The following CACHD1 variants were observed in gnomAD, a reference collection of about 807,000 sequenced individuals.
CACHD1 encodes the protein VWFA and cache domain-containing protein 1.
Under a neutral mutation model 138.7 loss-of-function variants are expected in CACHD1, and 71 were observed. The observed-to-expected ratio is 0.51, with a 90% CI of 0.42 to 0.62. The LOEUF (loss-of-function observed/expected upper bound fraction) is 0.62. Ranked by LOEUF, CACHD1 falls within the 20% of genes least tolerant of loss-of-function variation. The pLI is 0.00. For synonymous variants in CACHD1, 578 were observed against 591.5 expected, an observed-to-expected ratio of 0.98 and a Z score of 0.33; for missense variants, 1,389 against 1,625.3, an observed-to-expected ratio of 0.85 and a Z score of 2.50.
intron 2 of CACHD1, among the ~76,000 whole-genome samples, chr1:64,581,365 G>A (rs1287243119): frequency 2.0e-5 from 3 of 152,074 alleles, no homozygotes; most frequent in Admixed American, 2.0e-4. Context: ...CATTTCCTTT[G>A]GGTAACATTT....
At chr1:64,627,947 A>G (rs2100631088) in intron 4 of CACHD1, among the ~76,000 whole-genome samples, 1 of 152,328 alleles carries the variant, frequency 6.6e-6, no homozygotes, top group Non-Finnish European at 1.5e-5. Context: ...TATTAAACAA[A>G]TGATATTTCA....
intron 1 of CACHD1, among the ~76,000 whole-genome samples, chr1:64,513,323 G>T (rs1646435872): frequency 6.6e-6 from 1 of 152,170 alleles, no homozygotes; most frequent in Non-Finnish European, 1.5e-5. Context: ...CCCCTGGGGG[G>T]CTAAATCTTC....
intron 3 of CACHD1, among the ~76,000 whole-genome samples, chr1:64,596,132 C>T (rs1195742098): frequency 6.6e-6 from 1 of 152,122 alleles, no homozygotes; most frequent in Non-Finnish European, 1.5e-5. Flanking sequence ...GTATTATTTA[C>T]TTTATAAATG....
intron 4 of CACHD1, among the ~76,000 whole-genome samples, chr1:64,618,773 G>C (rs559798781): frequency 6.6e-6 from 1 of 152,280 alleles, no homozygotes; most frequent in East Asian, 1.9e-4. Flanking sequence ...AGTCAGTTTT[G>C]TTCTGTTGAG....
intron 11 of CACHD1, among the ~76,000 whole-genome samples, 168 bp downstream of exon 11, chr1:64,654,049 T>G (rs1234439286): frequency 6.6e-6 from 1 of 152,230 alleles, no homozygotes; most frequent in Non-Finnish European, 1.5e-5. Flanking sequence ...AAGATTTTGC[T>G]TACTTTGTAT....
At chr1:64,567,118 T>G (rs568905656) in intron 2 of CACHD1, among the ~76,000 whole-genome samples, 6 of 152,244 alleles carry the variant, frequency 3.9e-5, no homozygotes, top group Non-Finnish European at 7.4e-5. Context: ...AGGGAGAGAT[T>G]CTAAGCATAC....
intron 6 of CACHD1, among the ~76,000 whole-genome samples, chr1:64,633,761 TG>T (rs1245407810): frequency 7.9e-5 from 12 of 152,246 alleles, no homozygotes; most frequent in South Asian, 2.1e-4. Flanking sequence ...GACTTTTCTC[TG>T]CATAAAATAG....
At chr1:64,490,189 AG>A (rs1646267054) in intron 1 of CACHD1, among the ~76,000 whole-genome samples, 1 of 152,218 alleles carries the variant, frequency 6.6e-6, no homozygotes, top group South Asian at 2.1e-4. Context: ...GCAAAAAGGA[AG>A]ATATTTTTCA....
intron 1 of CACHD1, among the ~76,000 whole-genome samples, chr1:64,507,656 C>T (rs1407117030): frequency 6.6e-6 from 1 of 152,154 alleles, no homozygotes; most frequent in Non-Finnish European, 1.5e-5. Context: ...GTATTAGGAA[C>T]ACGAGCCAGG....
At position 64,565,865 on chromosome 1, in the gene CACHD1, G is replaced by T. The variant is rs1025078290; in HGVS notation, c.261+15209G>T. On this transcript the variant is annotated intron_variant, in intron 2 of 26. Transcript: ENST00000651257. ...AGACCTCAGAAATGAATGTGGCAGTGACCAGATGTTTAATCCAAGTTTAGT... is the reference window on the plus strand; with the variant it reads ...AGACCTCAGAAATGAATGTGGCAGTTACCAGATGTTTAATCCAAGTTTAGT... 7.2e-5 allele frequency among the ~76,000 whole-genome samples: 11 copies of T among 152,304 alleles called. No individual in the cohort carries two copies. The South Asian group carries it at 2.3e-3, about 32-fold the overall frequency.
At chr1:64,474,925 G>A (rs1646165857) in intron 1 of CACHD1, among the ~76,000 whole-genome samples, 1 of 152,206 alleles carries the variant, frequency 6.6e-6, no homozygotes, top group Non-Finnish European at 1.5e-5. Context: ...ATGAGGCCTG[G>A]GAGGGAGGGA....
intron 2 of CACHD1, among the ~76,000 whole-genome samples, chr1:64,570,507 A>G (rs1442903634): frequency 6.6e-6 from 1 of 152,168 alleles, no homozygotes; most frequent in Non-Finnish European, 1.5e-5. Flanking sequence ...CCATGGCACC[A>G]GCCTCTAAAG....
intron 1 of CACHD1, among the ~76,000 whole-genome samples, chr1:64,481,616 C>A (rs568407874): frequency 1.3e-5 from 2 of 152,212 alleles, no homozygotes; most frequent in Non-Finnish European, 2.9e-5. Context: ...AAGAAGCCTG[C>A]CAGTCATGGG....
chr1:64,476,342 A>T (rs908508073), intron 1 of CACHD1, among the ~76,000 whole-genome samples: 72 of 152,228 alleles, frequency 4.7e-4, no homozygotes, highest in African/African-American at 1.7e-3. Flanking sequence ...TGGCTCTATT[A>T]TAACTGCAAG....
At chr1:64,662,348 T>A (rs753564681) in intron 13 of CACHD1, among the ~76,000 whole-genome samples, 39 of 152,204 alleles carry the variant, frequency 2.6e-4, no homozygotes, top group Non-Finnish European at 4.7e-4. Context: ...GTTGAAGTCA[T>A]GCAGTGCTTA....
chr1:64,534,633 C>T (rs1646617586), intron 1 of CACHD1, among the ~76,000 whole-genome samples: 1 of 152,228 alleles, frequency 6.6e-6, no homozygotes, highest in South Asian at 2.1e-4. Context: ...TGCCTCTTCT[C>T]CCTTGCACTC....
Position 64,652,233 on chromosome 1 carries a change from A to C in CACHD1, c.1463A>C (p.Asn488Thr). 6.2e-7 allele frequency: 1 copy of C among 1,613,864 alleles called. No individual in the cohort carries two copies. The highest frequency in any genetic ancestry group is 8.5e-7 in the Non-Finnish European group (1 of 1,179,806). Residue 488 changes from asparagine to threonine, a missense_variant, in exon 10 of 27, where the codon AAT becomes ACT. Physicochemically the swap from Asn to Thr is moderately conservative, Grantham distance 65. This residue lies in a region of CACHD1 where 1,000 missense variants were observed against 1,114.7 expected (regional missense o/e 0.90). Coordinates refer to ENST00000651257, the MANE Select transcript of CACHD1 (RefSeq NM_020925.4). Reference sequence around the variant, plus strand: ...CTGGGAATTGTAGGTGTGGACGTGAATCTGGCTTACATTCTTGAAGACGTG... The same window carrying C: ...CTGGGAATTGTAGGTGTGGACGTGACTCTGGCTTACATTCTTGAAGACGTG... Reference protein sequence around the residue: ...LLLGIVGVDVNLAYILEDVTY... With the variant: ...LLLGIVGVDVTLAYILEDVTY...
At chr1:64,619,736 TC>T (rs1451992095) in intron 4 of CACHD1, among the ~76,000 whole-genome samples, 9 of 152,178 alleles carry the variant, frequency 5.9e-5, no homozygotes, top group South Asian at 2.1e-4. Flanking sequence ...GAGGGCGTGA[TC>T]CCCGCACTGT....
intron 2 of CACHD1, among the ~76,000 whole-genome samples, 191 bp from the exon 3 acceptor site, chr1:64,581,964 TC>T (rs1647016376): frequency 6.6e-6 from 1 of 152,232 alleles, no homozygotes; most frequent in Non-Finnish European, 1.5e-5. Context: ...TGAGTATCCT[TC>T]TATGACTTCT....
Sources: gnomAD v4.1 joint callset for allele counts (sites outside exome capture counted in the v4.1 genomes callset) on GRCh38, gnomAD v4.1.1 for gene constraint, gnomAD v4.1.1 regional missense constraint, MANE v1.5 for transcripts, NCBI Gene and HGNC (gene_info 2026-07-23, HGNC 2026-07-21) for gene names.